Variants in DEPTOR observed in about 807,000 individuals in gnomAD.
DEPTOR encodes the protein DEP domain-containing mTOR-interacting protein.
A neutral mutation model predicts 41.6 loss-of-function variants in DEPTOR; 41 were observed. The ratio of observed to expected loss-of-function variants is 0.98; its 90% CI spans 0.77 to 1.28. The LOEUF is 1.28. Ranked by LOEUF, DEPTOR falls within the 50% of genes most tolerant of loss-of-function variation. The pLI is 0.00. For missense variants in DEPTOR, 514 were observed against 527.9 expected, an observed-to-expected ratio of 0.97 and a Z score of 0.26; for synonymous variants, 195 against 192.3, an observed-to-expected ratio of 1.01 and a Z score of -0.12.
chr8:119,912,590 G>A (rs367711614), intron 1 of DEPTOR, among the ~76,000 whole-genome samples: 10 of 152,230 alleles, frequency 6.6e-5, no homozygotes, highest in African/African-American at 1.9e-4. Flanking sequence ...AGTTATAGAC[G>A]TGCAACACTC....
chr8:119,991,108 CTTTCTTTCTTTTTTTT>C (rs1812166470), intron 4 of DEPTOR, among the ~76,000 whole-genome samples: 1 of 66,664 alleles, frequency 1.5e-5, no homozygotes, highest in Non-Finnish European at 3.2e-5. Flanking sequence ...TTCTTTCTTT[CTTTCTTTCTTTTTTTT>C]TTAAATCTTT....
rs753417541 is a variant in DEPTOR, at chr8:120,001,750, C to G, written c.790+40C>G. 1.3e-5 allele frequency: 20 copies of G among 1,575,896 alleles called. No individual in the cohort carries two copies. In the East Asian group the frequency reaches 4.5e-4, roughly 36 times the overall value. ...CATTTATTGGAGCTCAAGTGTTTGT[C>G]TTTTGAGAAATAGTGGAGCCATGAC... On this transcript the variant is annotated intron_variant, in intron 5 of 8. Coordinates refer to ENST00000286234, the MANE Select transcript of DEPTOR (RefSeq NM_022783.4).
chr8:119,959,647 C>G (rs1828464812), intron 3 of DEPTOR, among the ~76,000 whole-genome samples: 1 of 152,024 alleles, frequency 6.6e-6, no homozygotes, highest in Admixed American at 6.6e-5. Context: ...CTGCCTCAGC[C>G]TCCCACCACA....
chr8:119,947,257 C>A (rs949061304), intron 3 of DEPTOR, among the ~76,000 whole-genome samples: 3 of 152,358 alleles, frequency 2.0e-5, no homozygotes, highest in African/African-American at 7.2e-5. Context: ...TTGACCAGAT[C>A]ATCCCAACAC....
intron 1 of DEPTOR, among the ~76,000 whole-genome samples, chr8:119,926,515 T>A (rs1381033440): frequency 6.6e-6 from 1 of 152,228 alleles, no homozygotes; most frequent in African/African-American, 2.4e-5. Context: ...ATTGTTTTTT[T>A]AAAGTATAAG....
chr8:120,045,204 G>C (rs189342585), intron 8 of DEPTOR, among the ~76,000 whole-genome samples: 35 of 152,148 alleles, frequency 2.3e-4, no homozygotes, highest in African/African-American at 8.4e-4. Flanking sequence ...ATGTGGGAAC[G>C]CAAGGGAGTG....
At chr8:119,995,414 T>C (rs1049063128) in intron 4 of DEPTOR, among the ~76,000 whole-genome samples, 1 of 151,898 alleles carries the variant, frequency 6.6e-6, no homozygotes, top group African/African-American at 2.4e-5. Flanking sequence ...GGTGAAACCC[T>C]GTCTCCACTA....
At chr8:119,959,142 T>TTTTCTTTC (rs1414153811) in intron 3 of DEPTOR, among the ~76,000 whole-genome samples, 9 of 151,038 alleles carry the variant, frequency 6.0e-5, no homozygotes, top group African/African-American at 2.0e-4. Context: ...GGCTATTTCT[T>TTTTCTTTC]TTTCTTTCTT....
At chr8:119,911,091 A>G (rs909265402) in intron 1 of DEPTOR, among the ~76,000 whole-genome samples, 1 of 152,226 alleles carries the variant, frequency 6.6e-6, no homozygotes, top group Non-Finnish European at 1.5e-5. Flanking sequence ...AGTGAACAGG[A>G]GCACCTTCAG....
At chr8:119,963,548 G>A (rs143775097) in intron 3 of DEPTOR, among the ~76,000 whole-genome samples, 3,159 of 152,092 alleles carry the variant, frequency 0.021, 50 homozygotes, top group Non-Finnish European at 0.028. Context: ...ATGGGGTTTT[G>A]TCATGTTGCC....
intron 1 of DEPTOR, 129 bp from the exon 2 acceptor site, chr8:119,928,271 G>A: frequency 1.0e-6 from 1 of 964,682 alleles, no homozygotes; most frequent in Non-Finnish European, 1.5e-6. Context: ...AAATCACCAA[G>A]CGAGCTAAAG....
intron 3 of DEPTOR, among the ~76,000 whole-genome samples, chr8:119,950,884 G>A (rs1210752109): frequency 2.0e-5 from 3 of 151,944 alleles, no homozygotes; most frequent in African/African-American, 4.8e-5. Flanking sequence ...AGGCATGAGC[G>A]ACAGCACCCT....
At chr8:119,974,579 C>T (rs1828674144) in intron 4 of DEPTOR, among the ~76,000 whole-genome samples, 1 of 152,094 alleles carries the variant, frequency 6.6e-6, no homozygotes, top group African/African-American at 2.4e-5. Context: ...CTAGACTAGC[C>T]TGGCTGACAT....
intron 3 of DEPTOR, among the ~76,000 whole-genome samples, chr8:119,939,422 T>C (rs1456558740): frequency 6.6e-6 from 1 of 152,182 alleles, no homozygotes; most frequent in East Asian, 1.9e-4. Context: ...GGTGGTAAAA[T>C]GCATGTGTGA....
rs1399626787 is a variant in DEPTOR, at chr8:119,922,445, A to C, written c.123-5955A>C. 2.6e-5 allele frequency among the ~76,000 whole-genome samples: 4 copies of C among 152,130 alleles called. No homozygotes were observed. The East Asian group carries it at 7.7e-4, about 29-fold the overall frequency. Reference sequence around the variant, plus strand: ...TGACAGACATCACATCTAAGAATTAATATTTTGCATTCTGCCACTCTGAGC... The same window carrying C: ...TGACAGACATCACATCTAAGAATTACTATTTTGCATTCTGCCACTCTGAGC... On this transcript the variant is annotated intron_variant, in intron 1 of 8. Coordinates refer to ENST00000286234, the MANE Select transcript of DEPTOR (RefSeq NM_022783.4).
At chr8:119,882,703 T>G (rs998609348) in intron 1 of DEPTOR, among the ~76,000 whole-genome samples, 17 of 152,158 alleles carry the variant, frequency 1.1e-4, no homozygotes, top group African/African-American at 4.1e-4. Context: ...AGCACCAGCT[T>G]CTTGTCCTGT....
At chr8:119,927,645 G>A (rs968327276) in intron 1 of DEPTOR, among the ~76,000 whole-genome samples, 2 of 149,734 alleles carry the variant, frequency 1.3e-5, no homozygotes, top group South Asian at 2.1e-4. Flanking sequence ...TTTCACTCTC[G>A]TTGCCTAGGC....
chr8:119,977,000 A>G (rs1024591722), intron 4 of DEPTOR, among the ~76,000 whole-genome samples: 14 of 152,090 alleles, frequency 9.2e-5, no homozygotes, highest in Non-Finnish European at 1.9e-4. Context: ...CTCTTTTTAA[A>G]TTTTATGCCA....
intron 1 of DEPTOR, among the ~76,000 whole-genome samples, chr8:119,897,710 T>A (rs1483917143): frequency 6.6e-6 from 1 of 152,168 alleles, no homozygotes; most frequent in African/African-American, 2.4e-5. Flanking sequence ...ACCTTGAGAT[T>A]TGGTAGAAAA....
Sources: gnomAD v4.1 joint callset for allele counts (sites outside exome capture counted in the v4.1 genomes callset) on GRCh38, gnomAD v4.1.1 for gene constraint, MANE v1.5 for transcripts, NCBI Gene and HGNC (gene_info 2026-07-23, HGNC 2026-07-21) for gene names.